SAMMSON: variants seen among roughly 807,000 people sequenced by gnomAD.
SAMMSON encodes survival associated mitochondrial melanoma specific oncogenic non-coding RNA.
At chr3:70,094,873 G>T (rs575180584) in intron 4 of SAMMSON, 5 of 152,208 alleles carry the variant, frequency 3.3e-5, no homozygotes. Context: ...GGTTTTTAAA[G>T]GTGGGGAGGG....
At chr3:70,047,212 AT>A (rs1396366970) in intron 3 of SAMMSON, among the ~76,000 whole-genome samples, 8 of 152,094 alleles carry the variant, frequency 5.3e-5, no homozygotes, top group East Asian at 1.9e-4. Flanking sequence ...TGCACTAAGT[AT>A]TTTTTGGGCT....
At chr3:70,214,158 T>C (rs1701382118) in intron 4 of SAMMSON, among the ~76,000 whole-genome samples, 1 of 152,014 alleles carries the variant, frequency 6.6e-6, no homozygotes, top group African/African-American at 2.4e-5. Context: ...AGACAAAACC[T>C]TGGGTTCATT....
chr3:70,350,216 A>T (rs1575631389), intron 7 of SAMMSON, among the ~76,000 whole-genome samples: 1 of 152,202 alleles, frequency 6.6e-6, no homozygotes, highest in Non-Finnish European at 1.5e-5. Flanking sequence ...ATTGAAAATA[A>T]TCTGTTTACT....
At chr3:70,142,293 A>G (rs181074047) in intron 4 of SAMMSON, among the ~76,000 whole-genome samples, 1 of 152,222 alleles carries the variant, frequency 6.6e-6, no homozygotes, top group African/African-American at 2.4e-5. Context: ...GTGGCCATCA[A>G]TCAACAAGTG....
In SAMMSON at chr3:70,126,173, C is replaced by T. The variant is rs2067457692; in HGVS notation, n.507+54608C>T. 3 of 1,187,360 alleles carry T rather than the reference C, an allele frequency of 2.5e-6. No individual in the cohort carries two copies. In the South Asian group the frequency reaches 3.8e-5, roughly 15 times the overall value. The allele number at this position is 1,187,360 out of a possible 1,614,324, so 73.6% of individuals were successfully genotyped here. A position where few individuals can be genotyped will look rare whatever the true frequency, so the allele number is the denominator to read the frequency against. On this transcript the variant is annotated intron_variant and non_coding_transcript_variant, in intron 4 of 9. Coordinates refer to ENST00000642114, the Ensembl canonical transcript of SAMMSON. ...AGGCATGAATTAAGAAAAGTCAGCC[C>T]ATGGTTTGGTGTAATTACATTTTCT...
chr3:70,119,022 G>A (rs961157348), intron 4 of SAMMSON, among the ~76,000 whole-genome samples: 2 of 151,830 alleles, frequency 1.3e-5, no homozygotes, highest in African/African-American at 4.8e-5. Context: ...TTTTCTCCTC[G>A]TGTTCATGTC....
intron 2 of SAMMSON, among the ~76,000 whole-genome samples, chr3:70,399,558 A>G (rs1036686507): frequency 9.2e-5 from 14 of 152,142 alleles, no homozygotes; most frequent in African/African-American, 3.4e-4. Flanking sequence ...TTTTCATAAA[A>G]TGATTACATA....
intron 3 of SAMMSON, among the ~76,000 whole-genome samples, chr3:70,022,954 A>G (rs1414510601): frequency 6.6e-6 from 1 of 152,200 alleles, no homozygotes; most frequent in Admixed American, 6.5e-5. Flanking sequence ...TTGGTATTTC[A>G]TGTAATTGCC....
At chr3:70,047,943 C>G (rs2067132933) in intron 3 of SAMMSON, among the ~76,000 whole-genome samples, 1 of 152,014 alleles carries the variant, frequency 6.6e-6, no homozygotes, top group South Asian at 2.1e-4. Context: ...TAAACTCTTT[C>G]CATTGGGCAC....
chr3:70,425,638 C>T (rs1002771317), intron 2 of SAMMSON, among the ~76,000 whole-genome samples: 13 of 151,940 alleles, frequency 8.6e-5, no homozygotes, highest in African/African-American at 3.1e-4. Flanking sequence ...TGGTCTCGAT[C>T]TACTGACCTC....
intron 2 of SAMMSON, among the ~76,000 whole-genome samples, chr3:70,422,291 A>G (rs1333481712): frequency 6.6e-6 from 1 of 152,084 alleles, no homozygotes; most frequent in Non-Finnish European, 1.5e-5. Flanking sequence ...CACCTCTAAC[A>G]AAGAGTTGAA....
At chr3:70,132,438 C>T (rs974374155) in intron 4 of SAMMSON, among the ~76,000 whole-genome samples, 2 of 152,136 alleles carry the variant, frequency 1.3e-5, no homozygotes, top group African/African-American at 2.4e-5. Flanking sequence ...CATGCCCATG[C>T]CTCCCCTTCA....
intron 2 of SAMMSON, among the ~76,000 whole-genome samples, chr3:70,433,319 A>G (rs1325458430): frequency 6.6e-6 from 1 of 152,126 alleles, no homozygotes; most frequent in Non-Finnish European, 1.5e-5. Context: ...CCTTGCTAGC[A>G]TTTGATGTTA....
chr3:70,237,173 G>A (rs1701618207), intron 4 of SAMMSON, among the ~76,000 whole-genome samples: 2 of 152,180 alleles, frequency 1.3e-5, no homozygotes, highest in Admixed American at 1.3e-4. Flanking sequence ...GGGCCAAGCT[G>A]TATTTATTAA....
rs2067556990 is a variant in SAMMSON at position 70,148,250 on chromosome 3, C to T, written n.507+76685C>T. 2.6e-5 allele frequency among the ~76,000 whole-genome samples: 4 copies of T among 152,050 alleles called. 1 individual carries two copies. Among genetic ancestry groups the T allele is most frequent in the Admixed American group, 2.6e-4 (4 of 15,250 alleles). ...GGTTTCCAGTAAAGTTAAATACACA[C>T]TTATATAACCTAGCTATTCCCTAGT... On this transcript the variant is annotated intron_variant and non_coding_transcript_variant, in intron 4 of 9. Coordinates refer to ENST00000642114, the Ensembl canonical transcript of SAMMSON.
chr3:70,124,527 C>A (rs1576128062), intron 4 of SAMMSON, among the ~76,000 whole-genome samples: 1 of 151,964 alleles, frequency 6.6e-6, no homozygotes, highest in South Asian at 2.1e-4. Flanking sequence ...AATACTGTAC[C>A]TGTGGCCGAG....
rs538537504 is a variant in SAMMSON at position 70,026,606 on chromosome 3, G to T, written n.417+12934G>T. The stretch of plus-strand genomic sequence containing the variant: ...CCTCTGTCCACAACATCCTGTGGGA[G>T]GAAAATTGTTAAGATCACATAATAT... On this transcript the variant is annotated intron_variant and non_coding_transcript_variant, in intron 3 of 9. Transcript: ENST00000642114. Among the ~76,000 whole-genome samples the T allele has an allele frequency of 2.6e-5, 4 of 152,250 alleles. No homozygotes were observed. The East Asian group carries it at 7.7e-4, about 29-fold the overall frequency.
At chr3:70,182,448 G>C (rs1576146292) in intron 4 of SAMMSON, among the ~76,000 whole-genome samples, 1 of 152,154 alleles carries the variant, frequency 6.6e-6, no homozygotes, top group African/African-American at 2.4e-5. Context: ...GTGTTTTATG[G>C]GGGGAGAGTG....
intron 4 of SAMMSON, among the ~76,000 whole-genome samples, chr3:70,237,832 T>G (rs1383778767): frequency 2.0e-5 from 3 of 152,126 alleles, no homozygotes; most frequent in Non-Finnish European, 4.4e-5. Flanking sequence ...GTATTTTTCC[T>G]TAAATATTGC....
Sources: gnomAD v4.1 joint callset for allele counts (sites outside exome capture counted in the v4.1 genomes callset) on GRCh38, gnomAD v4.1.1 for gene constraint, MANE v1.5 for transcripts, NCBI Gene and HGNC (gene_info 2026-07-23, HGNC 2026-07-21) for gene names.